Variants in MICAL2 observed in about 807,000 individuals in gnomAD.
The protein encoded by MICAL2 is microtubule associated monooxygenase, calponin and LIM domain containing 2.
In MICAL2, 77 loss-of-function variants were observed where a neutral mutation model predicts 127.3. The ratio of observed to expected loss-of-function variants is 0.60; its 90% CI spans 0.50 to 0.73. The LOEUF is 0.73. MICAL2 is among the 30% of genes least tolerant of loss of function. MICAL2 has a pLI of 0.00. For missense variants in MICAL2, 1,351 were observed against 1,434.4 expected, an observed-to-expected ratio of 0.94 and a Z score of 0.94; for synonymous variants, 570 against 551.1, an observed-to-expected ratio of 1.03 and a Z score of -0.48.
chr11:12,208,549 G>A (rs994746900), intron 5 of MICAL2, among the ~76,000 whole-genome samples: 3 of 152,204 alleles, frequency 2.0e-5, no homozygotes, highest in African/African-American at 7.2e-5. Context: ...GTAAAGTGAA[G>A]CTTCTAGAGC....
At chr11:12,297,989 A>G (rs1271624841) in intron 29 of MICAL2, among the ~76,000 whole-genome samples, 3 of 151,722 alleles carry the variant, frequency 2.0e-5, no homozygotes, top group Non-Finnish European at 4.4e-5. Context: ...TTCTTTTTCT[A>G]AAATTTCCTG....
At position 12,341,410 on chromosome 11, in the gene MICAL2, A is replaced by G. The variant is rs145540445; in HGVS notation, c.5516-8428A>G. Among the ~76,000 whole-genome samples, 34 of 152,290 alleles carry G rather than the reference A, an allele frequency of 2.2e-4. No individual in the cohort carries two copies. In the East Asian group the frequency reaches 5.4e-3, roughly 24 times the overall value. ...CCAACTTGGATAAAAAACACACACC[A>G]ATACATAATCAGAGAAGCCTTCAGC... On this transcript the variant is annotated intron_variant, in intron 32 of 34. Coordinates refer to the MICAL2 transcript ENST00000646065.
chr11:12,249,251 G>C lies in MICAL2; in HGVS notation c.2847+5G>C. On this transcript the variant is annotated splice_donor_5th_base_variant and intron_variant, in intron 22 of 27. Transcript: ENST00000683283. ...TTGAGAACAGTGCATCCTCAGGTGA[G>C]TTAGAGCCTCCCTGAACTTCAGCTG... 2 of 1,532,176 alleles carry C rather than the reference G, an allele frequency of 1.3e-6. No individual in the cohort carries two copies. The highest frequency in any genetic ancestry group is 9.0e-7 in the Non-Finnish European group (1 of 1,105,698). The allele number at this position is 1,532,176 out of a possible 1,614,324, so 94.9% of individuals were successfully genotyped here. A position where few individuals can be genotyped will look rare whatever the true frequency, so the allele number is the denominator to read the frequency against.
chr11:12,191,084 G>A (rs1486718085), intron 3 of MICAL2, among the ~76,000 whole-genome samples: 1 of 152,146 alleles, frequency 6.6e-6, no homozygotes, highest in Non-Finnish European at 1.5e-5. Context: ...CTAGCCTCTG[G>A]GGATACAGCT....
At chr11:12,122,242 C>A (rs897387985) in intron 1 of MICAL2, among the ~76,000 whole-genome samples, 4 of 152,212 alleles carry the variant, frequency 2.6e-5, no homozygotes, top group African/African-American at 9.7e-5. Context: ...ATGGGCGTAG[C>A]ACACCTCTCA....
Position 12,159,048 on chromosome 11 carries a change from A to G in MICAL2, c.-77-3031A>G, listed in dbSNP as rs1854494050. Among the ~76,000 whole-genome samples, 3 of 152,184 alleles carry G rather than the reference A, an allele frequency of 2.0e-5. No individual in the cohort carries two copies. The South Asian group carries it at 6.2e-4, about 31-fold the overall frequency. On this transcript the variant is annotated intron_variant, in intron 2 of 27. Transcript: ENST00000683283. ...TGAGCCTGGTACAGGCTGCTGGGCT[A>G]CATATCCAAGCTGCGCTTATCTTCT... is the stretch of plus-strand genomic sequence containing the variant.
intron 9 of MICAL2, among the ~76,000 whole-genome samples, chr11:12,221,247 C>T (rs1311988660): frequency 2.6e-5 from 4 of 152,156 alleles, no homozygotes; most frequent in Admixed American, 6.5e-5. Context: ...TTCCATCAGG[C>T]GCCAGCATTT....
intron 3 of MICAL2, among the ~76,000 whole-genome samples, chr11:12,194,850 A>G (rs10437601): frequency 0.95 from 145,115 of 152,314 alleles, 69,440 homozygotes; most frequent in Non-Finnish European, 1. Context: ...GAGGCTATAA[A>G]AAGAAAATAT....
intron 3 of MICAL2, among the ~76,000 whole-genome samples, chr11:12,163,033 C>G: frequency 6.6e-6 from 1 of 152,210 alleles, no homozygotes; most frequent in African/African-American, 2.4e-5. Flanking sequence ...CTGTCTCTTT[C>G]TCTTCCTCCT....
chr11:12,148,980 C>T (rs905162618), intron 2 of MICAL2, among the ~76,000 whole-genome samples: 1 of 152,180 alleles, frequency 6.6e-6, no homozygotes, highest in Admixed American at 6.5e-5. Context: ...TTAGGCAACT[C>T]CTCCAGGCTC....
chr11:12,143,986 C>T (rs577578846), intron 2 of MICAL2, among the ~76,000 whole-genome samples: 57 of 152,078 alleles, frequency 3.7e-4, no homozygotes, highest in Non-Finnish European at 6.9e-4. Context: ...GTCTCCTGGG[C>T]GTGGTTGTTC....
intron 2 of MICAL2, among the ~76,000 whole-genome samples, chr11:12,161,077 C>T (rs1854729797): frequency 6.6e-6 from 1 of 152,204 alleles, no homozygotes; most frequent in Admixed American, 6.5e-5. Context: ...CTCAGAGACC[C>T]CTCCAGCCCT....
At chr11:12,323,255 G>A (rs1197776574) in intron 30 of MICAL2, among the ~76,000 whole-genome samples, 1 of 152,138 alleles carries the variant, frequency 6.6e-6, no homozygotes, top group African/African-American at 2.4e-5. Context: ...CACACCCAGT[G>A]ACAGTAATGC....
chr11:12,160,196 C>T (rs1261525073), intron 2 of MICAL2, among the ~76,000 whole-genome samples: 1 of 152,176 alleles, frequency 6.6e-6, no homozygotes, highest in Non-Finnish European at 1.5e-5. Flanking sequence ...GTGTCTGAGA[C>T]CTCGCCAGCC....
At chr11:12,323,707 A>G (rs960037556) in intron 30 of MICAL2, among the ~76,000 whole-genome samples, 12 of 152,356 alleles carry the variant, frequency 7.9e-5, no homozygotes, top group Admixed American at 2.0e-4. Context: ...TAAATTCATT[A>G]AAATTGAATA....
At chr11:12,293,076 C>T (rs1051844811), downstream of MICAL2, among the ~76,000 whole-genome samples, 3 of 152,218 alleles carry the variant, frequency 2.0e-5, no homozygotes, top group African/African-American at 7.2e-5. Context: ...TCGCTTCTTA[C>T]TTTGATGGCC....
chr11:12,269,708 G>C (rs538725724), intron 24 of MICAL2, among the ~76,000 whole-genome samples: 2 of 152,208 alleles, frequency 1.3e-5, no homozygotes, highest in East Asian at 1.9e-4. Flanking sequence ...GTCAAAGCTT[G>C]CATCTTCCTC....
At chr11:12,187,873 G>A (rs1199159388) in intron 3 of MICAL2, among the ~76,000 whole-genome samples, 2 of 151,978 alleles carry the variant, frequency 1.3e-5, no homozygotes, top group African/African-American at 4.8e-5. Flanking sequence ...CTTGTTCCCT[G>A]GGGTAGGCGG....
intron 29 of MICAL2, among the ~76,000 whole-genome samples, chr11:12,317,155 C>T (rs150125459): frequency 7.2e-5 from 11 of 152,342 alleles, no homozygotes; most frequent in African/African-American, 2.6e-4. Context: ...TTCTCCAATA[C>T]TCTGCCCCAC....
Sources: gnomAD v4.1 joint callset for allele counts (sites outside exome capture counted in the v4.1 genomes callset) on GRCh38, gnomAD v4.1.1 for gene constraint, MANE v1.5 for transcripts, NCBI Gene and HGNC (gene_info 2026-07-23, HGNC 2026-07-21) for gene names.